The following KSR2 variants were observed in gnomAD, a reference collection of about 807,000 sequenced individuals.
The protein encoded by KSR2 is kinase suppressor of ras 2.
A neutral mutation model predicts 107.8 loss-of-function variants in KSR2; 25 were observed. The ratio of observed to expected loss-of-function variants is 0.23; its 90% CI spans 0.17 to 0.32. KSR2 has a LOEUF of 0.32. Ranked by LOEUF, KSR2 falls within the 10% of genes least tolerant of loss-of-function variation. The pLI is 1.00. For synonymous variants in KSR2, 480 were observed against 507.0 expected (o/e 0.95, Z 0.71); for missense variants, 887 against 1,268.9 (o/e 0.70, Z 4.57).
intron 5 of KSR2, among the ~76,000 whole-genome samples, chr12:117,586,479 C>T (rs1343455112): frequency 2.0e-5 from 3 of 150,238 alleles, no homozygotes; most frequent in Non-Finnish European, 4.4e-5. Flanking sequence ...CCCAGCTACT[C>T]GGGATGCTGA....
At chr12:117,563,317 T>A (rs113952051) in intron 7 of KSR2, among the ~76,000 whole-genome samples, 196 of 152,190 alleles carry the variant, frequency 1.3e-3, no homozygotes, top group African/African-American at 4.7e-3. Flanking sequence ...AGATGAGAGA[T>A]GAATGGGAGC....
At chr12:117,541,955 G>A (rs112207149) in intron 9 of KSR2, among the ~76,000 whole-genome samples, 34 of 152,016 alleles carry the variant, frequency 2.2e-4, no homozygotes, top group Admixed American at 3.3e-4. Flanking sequence ...GCACAATCAC[G>A]GCTCACTGTA....
At chr12:117,504,066 T>G (rs1257696672) in intron 14 of KSR2, among the ~76,000 whole-genome samples, 3 of 152,190 alleles carry the variant, frequency 2.0e-5, no homozygotes, top group Non-Finnish European at 4.4e-5. Flanking sequence ...TGAGATTCAA[T>G]TTCATTTTTT....
At chr12:117,791,751 C>T (rs1030459587) in intron 3 of KSR2, among the ~76,000 whole-genome samples, 5 of 152,102 alleles carry the variant, frequency 3.3e-5, no homozygotes, top group African/African-American at 4.8e-5. Flanking sequence ...GGCTGAGGAA[C>T]GGAGGCATCA....
chr12:117,944,457 A>G (rs1309953127), intron 1 of KSR2, among the ~76,000 whole-genome samples: 1 of 152,172 alleles, frequency 6.6e-6, no homozygotes, highest in Non-Finnish European at 1.5e-5. Context: ...CACATATTGC[A>G]TGATTTCATT....
At chr12:117,662,774 C>T (rs1806784) in intron 5 of KSR2, among the ~76,000 whole-genome samples, 74,317 of 151,986 alleles carry the variant, frequency 0.49, 19,779 homozygotes, top group South Asian at 0.63. Context: ...CCAAGCCCCA[C>T]CCAGAGTTTC....
chr12:117,926,859 A>G (rs1273110514), intron 1 of KSR2, among the ~76,000 whole-genome samples: 2 of 152,166 alleles, frequency 1.3e-5, no homozygotes, highest in African/African-American at 2.4e-5. Flanking sequence ...CTTGCTTCCA[A>G]CAATTCCTAG....
At chr12:117,859,003 G>C (rs1372535381) in intron 2 of KSR2, among the ~76,000 whole-genome samples, 1 of 152,140 alleles carries the variant, frequency 6.6e-6, no homozygotes, top group African/African-American at 2.4e-5. Flanking sequence ...ATCCCAGGGG[G>C]TAAGAAAATC....
rs1464979471 is a variant in KSR2 at position 117,848,823 on chromosome 12, GTGATGGTGGTAGTGGTGGTGATGGTGA to G, written c.472+6578_472+6604del. Among the ~76,000 whole-genome samples the G allele has an allele frequency of 9.4e-5, 13 of 138,840 alleles. No individual in the cohort carries two copies. The South Asian group carries it at 3.3e-3, about 35-fold the overall frequency. The allele number at this position is 138,840 out of a possible 152,430, so 91.1% of individuals were successfully genotyped here. ...GTAACAACAGTGATGGTGGTGGGTG[GTGATGGTGGTAGTGGTGGTGATGGTGA>G]TGATGGTGATGATGGTGATGACGGT... On this transcript the variant is annotated intron_variant, in intron 3 of 19. Transcript: ENST00000339824.
At position 117,513,912 on chromosome 12, in the gene KSR2, G is replaced by A. The variant is rs186777831; in HGVS notation, c.2219+10940C>T. On this transcript the variant is annotated intron_variant, in intron 14 of 19. Coordinates refer to ENST00000339824, the MANE Select transcript of KSR2 (RefSeq NM_173598.6). ...TTCATGATCCCTTGAAGTAGGTACC[G>A]TTCAATTCCCCTATTTACAGACAAG... Among the ~76,000 whole-genome samples the A allele has an allele frequency of 7.9e-5, 12 of 152,292 alleles. No individual in the cohort carries two copies. In the East Asian group the frequency reaches 9.6e-4, roughly 12 times the overall value.
At chr12:117,839,055 G>T (rs551608769) in intron 3 of KSR2, among the ~76,000 whole-genome samples, 43 of 152,210 alleles carry the variant, frequency 2.8e-4, no homozygotes, top group Middle Eastern at 3.4e-3. Context: ...GCTATACTTG[G>T]TCAACCCCTG....
chr12:117,701,880 C>G (rs1308730079), intron 4 of KSR2, among the ~76,000 whole-genome samples: 1 of 152,190 alleles, frequency 6.6e-6, no homozygotes, highest in African/African-American at 2.4e-5. Flanking sequence ...CATGGACCTG[C>G]TAACACCTTG....
At chr12:117,490,507 A>T (rs1369321199) in intron 14 of KSR2, among the ~76,000 whole-genome samples, 1 of 152,214 alleles carries the variant, frequency 6.6e-6, no homozygotes, top group African/African-American at 2.4e-5. Flanking sequence ...AATCATTGAC[A>T]GATCATAGTT....
At chr12:117,865,254 G>T (rs1893433184) in intron 1 of KSR2, among the ~76,000 whole-genome samples, 1 of 152,094 alleles carries the variant, frequency 6.6e-6, no homozygotes, top group Non-Finnish European at 1.5e-5. Context: ...TGTAATTTAA[G>T]TTCTGATTTT....
chr12:117,583,002 C>T (rs537342693), intron 5 of KSR2, among the ~76,000 whole-genome samples: 141 of 152,230 alleles, frequency 9.3e-4, no homozygotes, highest in African/African-American at 3.2e-3. Flanking sequence ...AAAAAGCAAA[C>T]CCTATGCAGA....
chr12:117,823,782 C>T (rs996168374), intron 3 of KSR2, among the ~76,000 whole-genome samples: 1 of 152,124 alleles, frequency 6.6e-6, no homozygotes, highest in Non-Finnish European at 1.5e-5. Flanking sequence ...TCTGATTCAC[C>T]TTGATATCCA....
Position 117,555,164 on chromosome 12 carries a change from C to T in KSR2, c.1518+5G>A, listed in dbSNP as rs764730572. On this transcript the variant is annotated splice_donor_5th_base_variant and intron_variant, in intron 9 of 19. Transcript: ENST00000339824. Reference sequence around the variant, plus strand: ...TGCCGAGACCCAGGGGAAGCCCAGCCTTACCTTGTTGATTTTGTTGGTTTT... The same window carrying T: ...TGCCGAGACCCAGGGGAAGCCCAGCTTTACCTTGTTGATTTTGTTGGTTTT... The T allele has an allele frequency of 2.5e-6, 4 of 1,613,872 alleles. No individual in the cohort carries two copies. In the South Asian group the frequency reaches 4.4e-5, roughly 18 times the overall value.
chr12:117,553,285 A>G (rs533161269), intron 9 of KSR2, among the ~76,000 whole-genome samples: 1 of 152,328 alleles, frequency 6.6e-6, no homozygotes, highest in South Asian at 2.1e-4. Flanking sequence ...AGGGACACAC[A>G]AGCTTTGTGG....
At chr12:117,545,883 T>A (rs2137303352) in intron 9 of KSR2, among the ~76,000 whole-genome samples, 1 of 152,314 alleles carries the variant, frequency 6.6e-6, no homozygotes, top group Admixed American at 6.5e-5. Flanking sequence ...ATTTTACCAG[T>A]TTGAGTGAAG....
Sources: allele counts gnomAD v4.1 joint callset (sites outside exome capture counted in the v4.1 genomes callset), GRCh38; gene constraint gnomAD v4.1.1; transcripts MANE v1.5; gene names NCBI Gene and HGNC (gene_info 2026-07-23, HGNC 2026-07-21).